The following LOC400499 variants were observed in gnomAD, a reference collection of about 807,000 sequenced individuals.
chr16:11,374,736 G>C, the LOC400499 span, among the ~76,000 whole-genome samples: 1 of 152,220 alleles, frequency 6.6e-6, no homozygotes, highest in Non-Finnish European at 1.5e-5. Context: ...CACTTGGGTT[G>C]CTGCTGTCTT....
At chr16:11,396,350 A>C in the LOC400499 span, 1 of 679,320 alleles carries the variant, frequency 1.5e-6, no homozygotes, top group Non-Finnish European at 2.1e-6. Context: ...CCGACCCAGA[A>C]TGAAGCTCTG....
the LOC400499 span, among the ~76,000 whole-genome samples, chr16:11,403,507 G>A: frequency 3.9e-5 from 6 of 151,978 alleles, no homozygotes; most frequent in East Asian, 2.0e-4. Context: ...ACACATACAC[G>A]CATGCACACT....
chr16:11,490,536 A>G, the LOC400499 span, among the ~76,000 whole-genome samples: 1 of 152,058 alleles, frequency 6.6e-6, no homozygotes, highest in Non-Finnish European at 1.5e-5. Context: ...CGTCTCTACT[A>G]AAAGAATACA....
At chr16:11,430,597 AATG>A in the LOC400499 span, among the ~76,000 whole-genome samples, 1 of 152,206 alleles carries the variant, frequency 6.6e-6, no homozygotes, top group South Asian at 2.1e-4. Flanking sequence ...AGAATATGAG[AATG>A]ATAAGGGAAA....
chr16:11,487,624 C>T, the LOC400499 span, among the ~76,000 whole-genome samples: 1 of 152,174 alleles, frequency 6.6e-6, no homozygotes, highest in Non-Finnish European at 1.5e-5. Flanking sequence ...AGCACCCGAC[C>T]CCCAACCCCA....
At chr16:11,412,398 C>G in the LOC400499 span, among the ~76,000 whole-genome samples, 2 of 152,332 alleles carry the variant, frequency 1.3e-5, no homozygotes, top group East Asian at 1.9e-4. Context: ...CTGAAAGTCC[C>G]TGGGGGGAAA....
the LOC400499 span, chr16:11,401,340 G>C: frequency 2.5e-6 from 1 of 399,302 alleles, no homozygotes; most frequent in African/African-American, 2.1e-5. Flanking sequence ...AGGTTGAATG[G>C]GTGAGCCAGG....
the LOC400499 span, among the ~76,000 whole-genome samples, chr16:11,436,637 G>T: frequency 6.6e-6 from 1 of 151,854 alleles, no homozygotes; most frequent in Non-Finnish European, 1.5e-5. Context: ...ACCCAGGCTG[G>T]AGTGCAGTGG....
the LOC400499 span, among the ~76,000 whole-genome samples, chr16:11,388,207 C>T: frequency 6.6e-6 from 1 of 152,056 alleles, no homozygotes; most frequent in South Asian, 2.1e-4. Context: ...GTTTTGGCAC[C>T]CCCACCTAGC....
chr16:11,412,527 C>T, the LOC400499 span, among the ~76,000 whole-genome samples: 6 of 152,218 alleles, frequency 3.9e-5, no homozygotes, highest in African/African-American at 9.6e-5. Context: ...TTACTGCACA[C>T]GTAAGAGCAC....
the LOC400499 span, chr16:11,449,176 C>G: frequency 4.7e-6 from 6 of 1,277,830 alleles, no homozygotes; most frequent in African/African-American, 2.9e-5. Flanking sequence ...GATACCCTTT[C>G]ATCTCTTTCC....
chr16:11,427,526 T>G, the LOC400499 span, among the ~76,000 whole-genome samples: 245 of 152,126 alleles, frequency 1.6e-3, 1 homozygote, highest in Admixed American at 5.8e-3. Context: ...CTCACTGCAA[T>G]GTCCACCTCC....
At chr16:11,437,257 A>G in the LOC400499 span, among the ~76,000 whole-genome samples, 3 of 152,208 alleles carry the variant, frequency 2.0e-5, no homozygotes, top group Admixed American at 1.3e-4. Context: ...CGTTGTATCA[A>G]TCTGTCAAAA....
At chr16:11,448,289 C>T in the LOC400499 span, among the ~76,000 whole-genome samples, 3 of 152,162 alleles carry the variant, frequency 2.0e-5, no homozygotes, top group East Asian at 1.9e-4. Flanking sequence ...CCTAGGTACC[C>T]GGGGGAAAGA....
the LOC400499 span, among the ~76,000 whole-genome samples, chr16:11,479,203 A>C: frequency 6.6e-6 from 1 of 152,276 alleles, no homozygotes; most frequent in East Asian, 1.9e-4. Context: ...TAGAGCATGA[A>C]CCAAATCCCA....
At chr16:11,451,362 T>G in the LOC400499 span, among the ~76,000 whole-genome samples, 2 of 152,168 alleles carry the variant, frequency 1.3e-5, no homozygotes, top group African/African-American at 4.8e-5. Context: ...GGAGGATCAC[T>G]TGAGTCTAGG....
the LOC400499 span, chr16:11,475,647 A>T: frequency 2.5e-6 from 1 of 399,072 alleles, no homozygotes; most frequent in Non-Finnish European, 4.4e-6. Context: ...ACAGGACTGG[A>T]CCTCAGAAGG....
At chr16:11,421,315 C>G in the LOC400499 span, among the ~76,000 whole-genome samples, 1 of 152,212 alleles carries the variant, frequency 6.6e-6, no homozygotes, top group Non-Finnish European at 1.5e-5. Context: ...TAGGCATTCC[C>G]AGGGTCTAGT....
chr16:11,483,199 C>A, the LOC400499 span, among the ~76,000 whole-genome samples: 4 of 152,146 alleles, frequency 2.6e-5, no homozygotes, highest in Non-Finnish European at 4.4e-5. Flanking sequence ...AACTCTCACA[C>A]AATGCTGGTG....
Sources: gnomAD v4.1 joint callset for allele counts (sites outside exome capture counted in the v4.1 genomes callset) on GRCh38, gnomAD v4.1.1 for gene constraint, MANE v1.5 for transcripts.